Variants in PRKAB2 observed in about 807,000 individuals in gnomAD.
PRKAB2 encodes the protein 5'-AMP-activated protein kinase subunit beta-2.
Under a neutral mutation model 29.8 loss-of-function variants are expected in PRKAB2, and 18 were observed. The observed-to-expected ratio is 0.60, with a 90% confidence interval of 0.42 to 0.89. The LOEUF (loss-of-function observed/expected upper bound fraction) is 0.89, where lower values mean the gene tolerates loss of function less well. Among genes scored for constraint, PRKAB2 ranks in the 40% least tolerant of loss-of-function variants. The pLI is 0.00. For missense variants in PRKAB2, 270 were observed against 344.3 expected, an observed-to-expected ratio of 0.78 and a Z score of 1.71; for synonymous variants, 136 against 125.9, an observed-to-expected ratio of 1.08 and a Z score of -0.54.
chr1:147,167,781 A>G lies in PRKAB2; in HGVS notation c.309T>C (p.Ile103=). 6.2e-7 allele frequency: 1 copy of G among 1,613,656 alleles called. No individual in the cohort carries two copies. Among genetic ancestry groups the G allele is most frequent in the Non-Finnish European group, 8.5e-7 (1 of 1,179,734 alleles). The change falls in exon 3 of 8, where the codon ATT becomes ATC. Residue 103 remains isoleucine (I), a synonymous_variant. Coordinates refer to ENST00000254101, the MANE Select transcript of PRKAB2 (RefSeq NM_005399.5). Reference sequence around the variant, plus strand: ...ACACTTGTCACCTCTTAATCAGTGGAATCTTGGTGCTCCAATTGTTGAAGG... The same window carrying G: ...ACACTTGTCACCTCTTAATCAGTGGGATCTTGGTGCTCCAATTGTTGAAGG... The part of the protein sequence containing the change: ...SGSFNNWSTK[I]PLIKSHNDFV...
Position 147,159,598 on chromosome 1 carries a change from C to T in PRKAB2, c.786G>A (p.Lys262=). ...VLSATHRYKK[K]YVTTLLYKPI Reference sequence around the variant, plus strand: ...GCTTGTATAGCAGAGTAGTAACATACTTCTTCTTGTAGCGATGGGTTGCGC... The same window carrying T: ...GCTTGTATAGCAGAGTAGTAACATATTTCTTCTTGTAGCGATGGGTTGCGC... The change falls in exon 8 of 8, where the codon AAG becomes AAA. Residue 262 remains lysine (K), a synonymous_variant. Coordinates refer to ENST00000254101, the MANE Select transcript of PRKAB2 (RefSeq NM_005399.5). 6.2e-7 allele frequency: 1 copy of T among 1,613,586 alleles called. No individual in the cohort carries two copies.
chr1:147,161,805 TA>T, intron 6 of PRKAB2, 25 bp from the exon 7 acceptor site: 2 of 1,551,146 alleles, frequency 1.3e-6, no homozygotes, highest in Non-Finnish European at 8.8e-7. Flanking sequence ...AAAAAATTAC[TA>T]AAAAAATTAC....
At chr1:147,161,850 C>T in intron 6 of PRKAB2, 70 bp from the exon 7 acceptor site, 1 of 1,239,734 alleles carries the variant, frequency 8.1e-7, no homozygotes, top group Non-Finnish European at 1.1e-6. Context: ...AACCAAACAG[C>T]TTACTCTTCC....
chr1:147,168,532 A>C (rs1010948007), intron 2 of PRKAB2, among the ~76,000 whole-genome samples: 12 of 152,258 alleles, frequency 7.9e-5, no homozygotes, highest in Non-Finnish European at 1.5e-4. Context: ...ATGAAATCTT[A>C]CTTATTCCCC....
chr1:147,172,223 C>T, intron 1 of PRKAB2, 56 bp from the exon 2 acceptor site: 1 of 1,438,498 alleles, frequency 7.0e-7, no homozygotes, highest in Non-Finnish European at 9.1e-7. Context: ...GTCAGGGGCG[C>T]CCCCCGGCCC....
chr1:147,159,834 A>G (rs587707098), intron 7 of PRKAB2, among the ~76,000 whole-genome samples, 192 bp from the exon 8 acceptor site: 1 of 152,272 alleles, frequency 6.6e-6, no homozygotes, highest in South Asian at 2.1e-4. Flanking sequence ...TAATCTACTT[A>G]GTGTGTCCAA....
intron 5 of PRKAB2, among the ~76,000 whole-genome samples, chr1:147,165,476 A>G (rs1323776563): frequency 6.6e-6 from 1 of 152,218 alleles, no homozygotes; most frequent in Non-Finnish European, 1.5e-5. Context: ...AAAGGTTGAG[A>G]GATTTGTTCA....
At chr1:147,170,061 GA>G (rs1553914153) in intron 2 of PRKAB2, among the ~76,000 whole-genome samples, 1 of 152,166 alleles carries the variant, frequency 6.6e-6, no homozygotes, top group Non-Finnish European at 1.5e-5. Context: ...CTGACTAGCA[GA>G]AAGATTGTTT....
At chr1:147,162,648 T>C in intron 5 of PRKAB2, 75 bp from the exon 6 acceptor site, 2 of 1,402,656 alleles carry the variant, frequency 1.4e-6, no homozygotes, top group Admixed American at 2.1e-5. Flanking sequence ...TATCAATACA[T>C]GGCAGCTAAC....
At chr1:147,164,822 C>T (rs587750685) in intron 5 of PRKAB2, among the ~76,000 whole-genome samples, 1 of 152,050 alleles carries the variant, frequency 6.6e-6, no homozygotes. Flanking sequence ...GTATGCAAGT[C>T]TTCTCTCTAT....
intron 6 of PRKAB2, among the ~76,000 whole-genome samples, chr1:147,162,171 T>C (rs1036851): frequency 0.48 from 72,274 of 151,944 alleles, 18,338 homozygotes; most frequent in East Asian, 0.86. Context: ...CCCCAAATGA[T>C]AACTACTCCT....
At chr1:147,169,562 TTA>T (rs1553914110) in intron 2 of PRKAB2, among the ~76,000 whole-genome samples, 1 of 152,210 alleles carries the variant, frequency 6.6e-6, no homozygotes, top group African/African-American at 2.4e-5. Flanking sequence ...TATACCGTGA[TTA>T]TGTTAAAATA....
chr1:147,166,935 T>C lies in PRKAB2; in HGVS notation c.328A>G (p.Asn110Asp), dbSNP rs990471621. 6.8e-6 allele frequency: 11 copies of C among 1,612,952 alleles called. No homozygotes were observed. Among genetic ancestry groups the C allele is most frequent in the Non-Finnish European group, 9.3e-6 (11 of 1,179,144 alleles). Residue 110 changes from asparagine to aspartate, a missense_variant, in exon 4 of 8, where the codon AAT (asparagine) becomes GAT (aspartate). Asn to Asp is a conservative substitution (Grantham distance 23). Around this residue, in one of 2 missense-constraint regions of PRKAB2, gnomAD observed 228 missense variants for 255.5 expected, o/e 0.89. Transcript: ENST00000254101. Reference sequence around the variant, plus strand: ...AGGTCCAGGATGGCAACAAAGTCATTATGGCTACAGAAGAAAAAAGAAAGG... The same window carrying C: ...AGGTCCAGGATGGCAACAAAGTCATCATGGCTACAGAAGAAAAAAGAAAGG... ...STKIPLIKSH[N>D]DFVAILDLPE...
intron 3 of PRKAB2, among the ~76,000 whole-genome samples, chr1:147,167,490 A>G (rs1050443804): frequency 3.3e-5 from 5 of 152,246 alleles, no homozygotes; most frequent in Admixed American, 3.3e-4. Context: ...GACTTCCCAC[A>G]AGCATAGACA....
chr1:147,171,819 C>T (rs916959207), intron 2 of PRKAB2, among the ~76,000 whole-genome samples, 170 bp downstream of exon 2: 3 of 152,132 alleles, frequency 2.0e-5, no homozygotes, highest in Non-Finnish European at 4.4e-5. Flanking sequence ...TATTTTGAGG[C>T]GGCACTTCAA....
At chr1:147,163,298 A>G (rs1654062864) in intron 5 of PRKAB2, among the ~76,000 whole-genome samples, 1 of 152,242 alleles carries the variant, frequency 6.6e-6, no homozygotes, top group South Asian at 2.1e-4. Flanking sequence ...AGTTCCTCAA[A>G]TAGTTAAACA....
chr1:147,172,340 C>T, intron 1 of PRKAB2, 89 bp downstream of exon 1: 4 of 705,696 alleles, frequency 5.7e-6, no homozygotes, highest in Non-Finnish European at 8.9e-6. Flanking sequence ...TACCCCGGTG[C>T]CCTCACTGGC....
Position 147,158,876 on chromosome 1 carries a change from T to G in PRKAB2, c.*689A>C, listed in dbSNP as rs1653803584. ...CTGGGCTAAAAAGGAGACCTTCTGATAGCCCTAGTGTCTGGGGTGGGTCAG... is the reference window on the plus strand; with the variant it reads ...CTGGGCTAAAAAGGAGACCTTCTGAGAGCCCTAGTGTCTGGGGTGGGTCAG... On this transcript the variant is annotated 3_prime_UTR_variant, in exon 8 of 8. Coordinates refer to ENST00000254101, the MANE Select transcript of PRKAB2 (RefSeq NM_005399.5). 1 of 152,210 alleles carries G rather than the reference T, an allele frequency of 6.6e-6. No homozygotes were observed. Among genetic ancestry groups the G allele is most frequent in the Non-Finnish European group, 1.5e-5 (1 of 68,046 alleles). The allele number at this position is 152,210 out of a possible 1,614,324, so 9.4% of individuals were successfully genotyped here.
intron 2 of PRKAB2, among the ~76,000 whole-genome samples, 196 bp from the exon 3 acceptor site, chr1:147,168,129 T>C (rs1030603953): frequency 1.3e-5 from 2 of 152,300 alleles, no homozygotes; most frequent in East Asian, 3.9e-4. Flanking sequence ...AAATGGCCTA[T>C]GCTCAAGCAC....
Sources: allele counts gnomAD v4.1 joint callset (sites outside exome capture counted in the v4.1 genomes callset), GRCh38; gene constraint gnomAD v4.1.1; regional missense constraint gnomAD v4.1.1; transcripts MANE v1.5; gene names NCBI Gene and HGNC (gene_info 2026-07-23, HGNC 2026-07-21).